The following DOCK1 variants were observed in gnomAD, a reference collection of about 807,000 sequenced individuals.
DOCK1 encodes the protein dedicator of cytokinesis protein 1.
In DOCK1, 138 loss-of-function variants were observed where a neutral mutation model predicts 262.7. That is an observed-to-expected ratio of 0.53 (90% CI 0.46 to 0.61). The LOEUF is 0.61. Among genes scored for constraint, DOCK1 ranks in the 20% least tolerant of loss-of-function variants. The probability of loss-of-function intolerance (pLI) is 0.00; values close to 1 mark genes in which losing one functional copy is unlikely to be tolerated. For missense variants in DOCK1, 1,908 were observed against 2,370.7 expected (o/e 0.80, Z 4.05); for synonymous variants, 866 against 867.4 (o/e 1.00, Z 0.03).
chr10:127,002,404 T>C (rs1183705499), intron 10 of DOCK1, among the ~76,000 whole-genome samples: 3 of 152,244 alleles, frequency 2.0e-5, no homozygotes, highest in African/African-American at 7.2e-5. Flanking sequence ...ATTAAAATTT[T>C]TGGAATTTAA....
At chr10:127,261,774 T>A (rs1175178579) in intron 29 of DOCK1, among the ~76,000 whole-genome samples, 1 of 142,042 alleles carries the variant, frequency 7.0e-6, no homozygotes, top group Non-Finnish European at 1.5e-5. Context: ...TGTGGGTGTG[T>A]GTGTGTGTAC....
At chr10:127,084,014 G>A (rs977513861) in intron 23 of DOCK1, among the ~76,000 whole-genome samples, 1 of 152,136 alleles carries the variant, frequency 6.6e-6, no homozygotes, top group African/African-American at 2.4e-5. Flanking sequence ...TTTGTAATGG[G>A]TCTAAATCCT....
intron 19 of DOCK1, among the ~76,000 whole-genome samples, chr10:127,041,928 G>A (rs1377450691): frequency 2.0e-5 from 3 of 151,926 alleles, no homozygotes; most frequent in Non-Finnish European, 2.9e-5. Context: ...TCTTCAGTCC[G>A]TCTTACATTT....
Position 127,106,112 on chromosome 10 carries a change from A to G in DOCK1, c.2446-119A>G, listed in dbSNP as rs1329512115. On this transcript the variant is annotated intron_variant, in intron 23 of 51. Transcript: ENST00000623213. Reference sequence around the variant, plus strand: ...TCATCGTGTTAGCCGTCAGCCCCTCATCTGGAAGTGATCTTTCTCTTCTCA... The same window carrying G: ...TCATCGTGTTAGCCGTCAGCCCCTCGTCTGGAAGTGATCTTTCTCTTCTCA... 7.6e-6 allele frequency: 8 copies of G among 1,050,314 alleles called. No homozygotes were observed. The Admixed American group carries it at 2.0e-4, about 26-fold the overall frequency. The allele number at this position is 1,050,314 out of a possible 1,614,324, so 65.1% of individuals were successfully genotyped here. A position where few individuals can be genotyped will look rare whatever the true frequency, so the allele number is the denominator to read the frequency against.
At chr10:127,052,454 G>T (rs1462182638) in intron 21 of DOCK1, among the ~76,000 whole-genome samples, 4 of 151,722 alleles carry the variant, frequency 2.6e-5, no homozygotes, top group African/African-American at 9.7e-5. Flanking sequence ...AGCCCGGAAG[G>T]CAGAGGTTGC....
At chr10:126,917,660 T>A (rs1360431746) in intron 1 of DOCK1, among the ~76,000 whole-genome samples, 1 of 152,094 alleles carries the variant, frequency 6.6e-6, no homozygotes, top group African/African-American at 2.4e-5. Flanking sequence ...AAGAGACTTA[T>A]CCCTTTGTTC....
intron 2 of DOCK1, among the ~76,000 whole-genome samples, chr10:126,973,271 C>T (rs920824627): frequency 9.2e-5 from 14 of 151,406 alleles, no homozygotes; most frequent in African/African-American, 3.4e-4. Context: ...CTCTGTCGCC[C>T]GGGCTGGAGT....
At chr10:127,011,340 T>C (rs10829974) in intron 11 of DOCK1, among the ~76,000 whole-genome samples, 6,941 of 152,298 alleles carry the variant, frequency 0.046, 218 homozygotes, top group Non-Finnish European at 0.069. Context: ...AGGAAGCACA[T>C]TGCACATCTC....
At chr10:127,418,140 G>A (rs2068272096) in intron 44 of DOCK1, among the ~76,000 whole-genome samples, 2 of 151,846 alleles carry the variant, frequency 1.3e-5, no homozygotes, top group African/African-American at 4.8e-5. Context: ...CACACACACA[G>A]CCCCGCCCCC....
intron 27 of DOCK1, among the ~76,000 whole-genome samples, chr10:127,206,136 C>CTTTTTTTTTTTTTTTTT (rs34450374): frequency 8.9e-5 from 7 of 78,622 alleles, no homozygotes; most frequent in Non-Finnish European, 1.1e-4. Flanking sequence ...TTCTTCTTCT[C>CTTTTTTTTTTTTTTTTT]TTTTTTTTTT....
chr10:127,403,001 CTT>C (rs775562100), intron 38 of DOCK1, 52 bp from the exon 39 acceptor site: 10 of 1,497,568 alleles, frequency 6.7e-6, no homozygotes, highest in African/African-American at 4.2e-5. Flanking sequence ...CTGTTTGACT[CTT>C]TGCACAATTC....
At chr10:127,006,191 A>G (rs903274246) in intron 10 of DOCK1, among the ~76,000 whole-genome samples, 2 of 152,130 alleles carry the variant, frequency 1.3e-5, no homozygotes, top group African/African-American at 2.4e-5. Context: ...TGAGCAAGTC[A>G]TCCTGATGCA....
chr10:127,413,827 A>G (rs1365666560), intron 43 of DOCK1, among the ~76,000 whole-genome samples: 1 of 151,924 alleles, frequency 6.6e-6, no homozygotes, highest in Non-Finnish European at 1.5e-5. Context: ...CTGTGTCCTT[A>G]TGGCTTCAGC....
chr10:127,383,408 C>T (rs1244266184), intron 37 of DOCK1, among the ~76,000 whole-genome samples: 1 of 152,228 alleles, frequency 6.6e-6, no homozygotes, highest in Admixed American at 6.5e-5. Context: ...CTTTTATTCT[C>T]CATCCTCCAA....
chr10:127,137,195 A>C (rs1389169818), intron 27 of DOCK1: 3 of 152,650 alleles, frequency 2.0e-5, no homozygotes, highest in Non-Finnish European at 4.4e-5. Flanking sequence ...CTGGAGATGA[A>C]GAGGATGCTA....
chr10:127,447,244 GC>G, intron 50 of DOCK1, 149 bp from the exon 51 acceptor site: 1 of 1,100,132 alleles, frequency 9.1e-7, no homozygotes, highest in Non-Finnish European at 1.3e-6. Context: ...CTCCCTCCCT[GC>G]CCTCATCTGC....
intron 29 of DOCK1, among the ~76,000 whole-genome samples, chr10:127,291,067 T>A (rs2135365333): frequency 6.6e-6 from 1 of 152,326 alleles, no homozygotes; most frequent in East Asian, 1.9e-4. Flanking sequence ...CATCCTCGAC[T>A]GCTTCAGCTG....
intron 27 of DOCK1, among the ~76,000 whole-genome samples, chr10:127,194,513 C>G (rs1427531772): frequency 6.6e-6 from 1 of 152,196 alleles, no homozygotes; most frequent in Non-Finnish European, 1.5e-5. Flanking sequence ...CCAGCACTTT[C>G]CGCCTCTGCA....
chr10:127,105,903 G>C (rs920287723), intron 23 of DOCK1, among the ~76,000 whole-genome samples: 1 of 152,040 alleles, frequency 6.6e-6, no homozygotes, highest in Non-Finnish European at 1.5e-5. Flanking sequence ...GGGACTACAG[G>C]TGCAAGCCAC....
Sources: allele counts gnomAD v4.1 joint callset (sites outside exome capture counted in the v4.1 genomes callset), GRCh38; gene constraint gnomAD v4.1.1; transcripts MANE v1.5; gene names NCBI Gene and HGNC (gene_info 2026-07-23, HGNC 2026-07-21).